The following COG5 variants were observed in gnomAD, a reference collection of about 807,000 sequenced individuals.
The protein encoded by COG5 is conserved oligomeric Golgi complex subunit 5.
COG5 carries 86 observed loss-of-function variants against 110.4 expected under a neutral mutation model. The observed-to-expected ratio is 0.78, with a 90% CI of 0.65 to 0.93. The LOEUF (loss-of-function observed/expected upper bound fraction) is 0.93. Among genes scored for constraint, COG5 ranks in the 40% least tolerant of loss-of-function variants. The probability of loss-of-function intolerance (pLI) is 0.00; values close to 1 mark genes in which losing one functional copy is unlikely to be tolerated. For missense variants in COG5, 1,077 were observed against 987.0 expected, an observed-to-expected ratio of 1.09 and a Z score of -1.22; for synonymous variants, 360 against 334.6, an observed-to-expected ratio of 1.08 and a Z score of -0.83.
chr7:107,208,766 A>G (rs773998280), intron 21 of COG5: 44 of 985,486 alleles, frequency 4.5e-5, no homozygotes, highest in Non-Finnish European at 5.2e-5. Context: ...ACATACGCCC[A>G]GAGGGCCAGT....
intron 12 of COG5, among the ~76,000 whole-genome samples, chr7:107,296,062 G>A (rs575350733): frequency 1.3e-5 from 2 of 151,710 alleles, no homozygotes; most frequent in African/African-American, 4.8e-5. Context: ...CAAAGTTCAC[G>A]GTCTTTCTTC....
At chr7:107,214,241 G>A (rs1307199203) in intron 19 of COG5, among the ~76,000 whole-genome samples, 1 of 152,004 alleles carries the variant, frequency 6.6e-6, no homozygotes, top group Non-Finnish European at 1.5e-5. Flanking sequence ...AAAATTGAGA[G>A]CAGCAAGAAA....
chr7:107,248,493 G>T lies in COG5; in HGVS notation c.1756C>A (p.His586Asn). The stretch of plus-strand genomic sequence containing the variant: ...TGCACAGCATTTTCCATAAGAGCAT[G>T]AATAGCCTAAAAAAAAAAAAGAAAG... ...QTIISALKAI[H>N]ALMENAVQPL... The change falls in exon 17 of 22, where the codon CAT (histidine) becomes AAT (asparagine). Residue 586 changes from histidine to asparagine, a missense_variant. Transcript: ENST00000297135. The T allele has an allele frequency of 6.4e-7, 1 of 1,562,234 alleles. No homozygotes were observed. The highest frequency in any genetic ancestry group is 8.8e-7 in the Non-Finnish European group (1 of 1,142,792).
At chr7:107,213,035 T>C (rs1799284452) in intron 19 of COG5, among the ~76,000 whole-genome samples, 1 of 152,176 alleles carries the variant, frequency 6.6e-6, no homozygotes. Context: ...CAAGATCCCC[T>C]GGTGTCAAAC....
intron 16 of COG5, among the ~76,000 whole-genome samples, chr7:107,249,277 G>T (rs909197199): frequency 2.0e-5 from 3 of 152,010 alleles, no homozygotes; most frequent in South Asian, 2.1e-4. Flanking sequence ...GGGGATGGGG[G>T]TACAAGTGTG....
intron 19 of COG5, among the ~76,000 whole-genome samples, chr7:107,218,355 A>G (rs1799670729): frequency 6.6e-6 from 1 of 152,154 alleles, no homozygotes; most frequent in East Asian, 1.9e-4. Context: ...ACATAATCCT[A>G]AAATTCATAT....
At chr7:107,404,667 T>C (rs188304795) in intron 7 of COG5, among the ~76,000 whole-genome samples, 1 of 151,856 alleles carries the variant, frequency 6.6e-6, no homozygotes, top group Admixed American at 6.6e-5. Context: ...CGTTTAAATG[T>C]TGATGAGAAG....
intron 6 of COG5, among the ~76,000 whole-genome samples, chr7:107,514,329 T>TAC (rs61351697): frequency 0.081 from 11,726 of 145,558 alleles, 467 homozygotes; most frequent in South Asian, 0.13. Flanking sequence ...TGGCCTATTT[T>TAC]ACACACACAC....
chr7:107,323,300 G>A (rs1267138280), intron 11 of COG5, among the ~76,000 whole-genome samples: 2 of 152,120 alleles, frequency 1.3e-5, no homozygotes, highest in Non-Finnish European at 2.9e-5. Context: ...AAGCCAAGGC[G>A]GGCCGATCAT....
intron 3 of COG5, among the ~76,000 whole-genome samples, chr7:107,552,165 A>G (rs749265058): frequency 1.1e-4 from 16 of 152,226 alleles, no homozygotes; most frequent in Non-Finnish European, 1.8e-4. Context: ...ATCTAGACCT[A>G]TACACACTCA....
intron 5 of COG5, among the ~76,000 whole-genome samples, chr7:107,532,877 A>T (rs945430506): frequency 2.6e-5 from 4 of 152,210 alleles, no homozygotes; most frequent in Admixed American, 2.6e-4. Flanking sequence ...TTTACAGCTG[A>T]ATTATATTTC....
intron 11 of COG5, among the ~76,000 whole-genome samples, chr7:107,303,490 C>T (rs1807455227): frequency 6.6e-6 from 1 of 152,136 alleles, no homozygotes; most frequent in Admixed American, 6.5e-5. Flanking sequence ...TACAGTGGCA[C>T]AGTCACGGCT....
intron 6 of COG5, among the ~76,000 whole-genome samples, chr7:107,504,246 T>C (rs1798822656): frequency 6.6e-6 from 1 of 152,234 alleles, no homozygotes. Context: ...TCTGCATCTA[T>C]TGAGATGATC....
At chr7:107,435,005 T>C (rs1421660590) in intron 6 of COG5, among the ~76,000 whole-genome samples, 2 of 151,866 alleles carry the variant, frequency 1.3e-5, no homozygotes, top group African/African-American at 4.8e-5. Flanking sequence ...CTGTCACATA[T>C]TGCAACACAG....
intron 6 of COG5, among the ~76,000 whole-genome samples, chr7:107,505,744 G>A (rs369069463): frequency 4.8e-4 from 73 of 152,306 alleles, no homozygotes; most frequent in African/African-American, 1.6e-3. Context: ...AAGGCCTCCC[G>A]CCTGGGTTCT....
chr7:107,433,778 T>C (rs1324649615), intron 6 of COG5, among the ~76,000 whole-genome samples: 2 of 152,130 alleles, frequency 1.3e-5, no homozygotes, highest in Admixed American at 6.5e-5. Context: ...TTCTCACATA[T>C]TGACACCAAA....
In COG5 at chr7:107,556,335, A is replaced by T. The variant is rs1259875799; in HGVS notation, c.234+1641T>A. On this transcript the variant is annotated intron_variant, in intron 2 of 21. Coordinates refer to ENST00000297135, the MANE Select transcript of COG5 (RefSeq NM_006348.5). ...GTTCCTGCACTAAACCCTAATAGTA[A>T]ATGTTTTACAATTTTAGTCATCTCA... is the stretch of plus-strand genomic sequence containing the variant. 2.0e-5 allele frequency among the ~76,000 whole-genome samples: 3 copies of T among 152,150 alleles called. No individual in the cohort carries two copies. The South Asian group carries it at 6.2e-4, about 32-fold the overall frequency.
chr7:107,520,342 G>A (rs1800239051), intron 6 of COG5, among the ~76,000 whole-genome samples: 1 of 152,182 alleles, frequency 6.6e-6, no homozygotes, highest in Non-Finnish European at 1.5e-5. Flanking sequence ...AATAGGAAGA[G>A]AGGAAGTCAA....
chr7:107,318,681 T>C (rs1035380235), intron 11 of COG5, among the ~76,000 whole-genome samples: 1 of 152,334 alleles, frequency 6.6e-6, no homozygotes, highest in South Asian at 2.1e-4. Flanking sequence ...GACCTTTCCT[T>C]GTGCCTGTGT....
Sources: allele counts gnomAD v4.1 joint callset (sites outside exome capture counted in the v4.1 genomes callset), GRCh38; gene constraint gnomAD v4.1.1; transcripts MANE v1.5; gene names NCBI Gene and HGNC (gene_info 2026-07-23, HGNC 2026-07-21).